Variants in CSMD2 observed in about 807,000 individuals in gnomAD.
CSMD2 encodes CUB and Sushi multiple domains 2.
Under a neutral mutation model 398.5 loss-of-function variants are expected in CSMD2, and 130 were observed. That is an observed-to-expected ratio of 0.33 (90% CI 0.28 to 0.38). The LOEUF is 0.38. Ranked by LOEUF, CSMD2 falls within the 10% of genes least tolerant of loss-of-function variation. The pLI is 1.00. For missense variants in CSMD2, 3,829 were observed against 4,764.9 expected, an observed-to-expected ratio of 0.80 and a Z score of 5.78; for synonymous variants, 1,828 against 1,908.5, an observed-to-expected ratio of 0.96 and a Z score of 1.10.
chr1:33,553,915 T>A (rs1032973263), intron 55 of CSMD2, among the ~76,000 whole-genome samples: 3 of 152,084 alleles, frequency 2.0e-5, no homozygotes, highest in Non-Finnish European at 4.4e-5. Context: ...AATATTCCCT[T>A]AAGCCAAAGC....
chr1:33,864,202 A>C, intron 5 of CSMD2: 1 of 1,596,404 alleles, frequency 6.3e-7, no homozygotes, highest in Non-Finnish European at 8.5e-7. Context: ...ATGGGAAAAG[A>C]AATCCAGCTA....
At chr1:33,785,238 G>A (rs1202517871) in intron 12 of CSMD2, among the ~76,000 whole-genome samples, 1 of 152,252 alleles carries the variant, frequency 6.6e-6, no homozygotes, top group Non-Finnish European at 1.5e-5. Context: ...GAGTGAAATG[G>A]ACAAATGAAC....
At position 33,622,255 on chromosome 1, in the gene CSMD2, G is replaced by C. The variant is rs748787771; in HGVS notation, c.5739C>G (p.Ala1913=). The stretch of plus-strand genomic sequence containing the variant: ...GCTGGTTGGAGGTGCTGTTCAGAAG[G>C]GCAGGCACGGTTGTTCCTAGGGCAA... ...LGSFSGTTVP[A]LLNSTSNQLY... Residue 1913 remains alanine, a synonymous_variant, in exon 37 of 71, where the codon GCC becomes GCG. Transcript: ENST00000373381. 5 of 1,613,816 alleles carry C rather than the reference G, an allele frequency of 3.1e-6. No individual in the cohort carries two copies. The highest frequency in any genetic ancestry group is 2.7e-5 in the African/African-American group (2 of 74,902).
intron 29 of CSMD2, among the ~76,000 whole-genome samples, chr1:33,644,980 A>AGG (rs1452083102): frequency 6.6e-6 from 1 of 152,196 alleles, no homozygotes; most frequent in African/African-American, 2.4e-5. Flanking sequence ...CCCGACAAAC[A>AGG]GGAGATAATC....
intron 5 of CSMD2, among the ~76,000 whole-genome samples, chr1:33,882,696 G>T (rs112892335): frequency 2.0e-5 from 3 of 152,200 alleles, no homozygotes; most frequent in African/African-American, 7.2e-5. Flanking sequence ...GTCACAGCAT[G>T]CTTTCTCAGT....
At chr1:33,652,126 T>C (rs896501534) in intron 28 of CSMD2, among the ~76,000 whole-genome samples, 197 bp downstream of exon 28, 1 of 152,196 alleles carries the variant, frequency 6.6e-6, no homozygotes, top group African/African-American at 2.4e-5. Flanking sequence ...GATGTGATGA[T>C]ATGCATGAGA....
chr1:33,610,476 C>G (rs900225801), intron 41 of CSMD2, among the ~76,000 whole-genome samples: 2 of 151,194 alleles, frequency 1.3e-5, no homozygotes, highest in Non-Finnish European at 3.0e-5. Context: ...GTAGATGGGG[C>G]TCTTTCCAGG....
At chr1:34,096,092 AAGGCT>A (rs1350553305) in intron 1 of CSMD2, among the ~76,000 whole-genome samples, 6 of 152,022 alleles carry the variant, frequency 3.9e-5, no homozygotes, top group African/African-American at 1.4e-4. Context: ...CCTGGGATGC[AAGGCT>A]GGTTCAATAT....
At chr1:34,097,335 T>G (rs1659436508) in intron 1 of CSMD2, among the ~76,000 whole-genome samples, 1 of 140,384 alleles carries the variant, frequency 7.1e-6, no homozygotes, top group Admixed American at 7.2e-5. Context: ...GCATTACCAT[T>G]CAGGACATAG....
At chr1:34,031,108 G>A (rs1348744834) in intron 3 of CSMD2, among the ~76,000 whole-genome samples, 1 of 147,962 alleles carries the variant, frequency 6.8e-6, no homozygotes, top group Non-Finnish European at 1.5e-5. Flanking sequence ...TTTTTTTTGA[G>A]ACAGAGTCTC....
intron 12 of CSMD2, among the ~76,000 whole-genome samples, chr1:33,788,263 G>A (rs1418483381): frequency 2.6e-5 from 4 of 152,038 alleles, no homozygotes; most frequent in South Asian, 2.1e-4. Context: ...ACCCCAGCAC[G>A]TTGGGAGGCT....
chr1:33,540,421 G>A (rs914179202), intron 60 of CSMD2, 104 bp downstream of exon 60: 20 of 1,158,620 alleles, frequency 1.7e-5, no homozygotes, highest in Non-Finnish European at 2.5e-5. Flanking sequence ...CTGGTTTTGG[G>A]GAGGGGACTA....
rs564580710 is a variant in CSMD2 at position 34,128,382 on chromosome 1, C to T, written c.187+36529G>A. ...TCCCATGTCCTTCAAAGACTGTACC[C>T]GCAGGAAGGGATGCTGCGCTCGGGT... On this transcript the variant is annotated intron_variant, in intron 1 of 70. Coordinates refer to ENST00000373381, the MANE Select transcript of CSMD2 (RefSeq NM_001281956.2). Among the ~76,000 whole-genome samples, 5 of 152,302 alleles carry T rather than the reference C, an allele frequency of 3.3e-5. No homozygotes were observed. In the East Asian group the frequency reaches 7.7e-4, roughly 24 times the overall value.
chr1:33,951,812 T>A (rs952080080), intron 3 of CSMD2, among the ~76,000 whole-genome samples: 9 of 152,188 alleles, frequency 5.9e-5, no homozygotes, highest in African/African-American at 2.2e-4. Context: ...TACCACACCC[T>A]CAACCACGCA....
At chr1:33,596,391 C>G (rs866091814) in intron 44 of CSMD2, among the ~76,000 whole-genome samples, 2 of 152,196 alleles carry the variant, frequency 1.3e-5, no homozygotes, top group South Asian at 2.1e-4. Flanking sequence ...GTGGCTCCCC[C>G]TGACACCCCG....
chr1:33,591,853 A>C (rs1473794), intron 44 of CSMD2: 38,627 of 153,692 alleles, frequency 0.25, 5,401 homozygotes, highest in East Asian at 0.55. Context: ...TACATGAATG[A>C]TTTGTAATGA....
chr1:33,541,995 A>G (rs1656391631), intron 58 of CSMD2, among the ~76,000 whole-genome samples: 1 of 152,190 alleles, frequency 6.6e-6, no homozygotes, highest in South Asian at 2.1e-4. Context: ...TGAAAGGGTC[A>G]TGCCTATGTC....
At chr1:33,776,033 T>C (rs180911366) in intron 12 of CSMD2, among the ~76,000 whole-genome samples, 1 of 152,250 alleles carries the variant, frequency 6.6e-6, no homozygotes, top group Admixed American at 6.5e-5. Context: ...ATGGGGCCAA[T>C]ACCAAACAGG....
intron 3 of CSMD2, among the ~76,000 whole-genome samples, chr1:33,966,187 G>T (rs1335723164): frequency 6.6e-6 from 1 of 152,182 alleles, no homozygotes; most frequent in East Asian, 1.9e-4. Flanking sequence ...CCAGCCTTGA[G>T]CCTCTGGTCT....
Sources: allele counts gnomAD v4.1 joint callset (sites outside exome capture counted in the v4.1 genomes callset), GRCh38; gene constraint gnomAD v4.1.1; transcripts MANE v1.5; gene names NCBI Gene and HGNC (gene_info 2026-07-23, HGNC 2026-07-21).